Variants in ARSG observed in about 807,000 individuals in gnomAD.
The protein encoded by ARSG is arylsulfatase G, also known as ASG.
Under a neutral mutation model 50.5 loss-of-function variants are expected in ARSG, and 37 were observed. That is an observed-to-expected ratio of 0.73 (90% CI 0.56 to 0.96). The LOEUF is 0.96. Ranked by LOEUF, ARSG falls within the 50% of genes least tolerant of loss-of-function variation. The pLI is 0.00. For synonymous variants in ARSG, 225 were observed against 254.6 expected (o/e 0.88, Z 1.11); for missense variants, 629 against 675.3 (o/e 0.93, Z 0.76).
downstream of ARSG, chr17:68,421,792 C>T (rs191494496): frequency 4.3e-6 from 7 of 1,614,188 alleles, no homozygotes; most frequent in Admixed American, 6.7e-5. Flanking sequence ...CTTCGTTTTG[C>T]CCTTCTGATT....
At chr17:68,327,716 A>G (rs1211030007) in intron 2 of ARSG, among the ~76,000 whole-genome samples, 1 of 152,152 alleles carries the variant, frequency 6.6e-6, no homozygotes, top group Non-Finnish European at 1.5e-5. Flanking sequence ...GGACTTCAAC[A>G]TATCTTTTGG....
intron 9 of ARSG, among the ~76,000 whole-genome samples, chr17:68,389,040 C>T (rs537502951): frequency 3.5e-4 from 53 of 152,212 alleles, no homozygotes; most frequent in African/African-American, 1.2e-3. Context: ...AAGAGGGATT[C>T]AGCTGGTTCT....
chr17:68,312,293 T>TG (rs1221517944), intron 2 of ARSG, among the ~76,000 whole-genome samples: 5 of 152,170 alleles, frequency 3.3e-5, no homozygotes, highest in Non-Finnish European at 5.9e-5. Flanking sequence ...CATCAATAAA[T>TG]GGGCTCTAGG....
intron 1 of ARSG, among the ~76,000 whole-genome samples, chr17:68,272,949 A>G (rs2075388479): frequency 6.6e-6 from 1 of 152,162 alleles, no homozygotes; most frequent in South Asian, 2.1e-4. Context: ...CGGTCTGGAT[A>G]AACTTCAGTG....
At chr17:68,324,416 G>A (rs1555771685) in intron 2 of ARSG, among the ~76,000 whole-genome samples, 1 of 152,162 alleles carries the variant, frequency 6.6e-6, no homozygotes, top group Non-Finnish European at 1.5e-5. Flanking sequence ...CCAAAGACTG[G>A]CTCCTGTAAC....
In ARSG at chr17:68,350,862, G is replaced by C. The variant is rs2078729877; in HGVS notation, c.455-713G>C. On this transcript the variant is annotated intron_variant, in intron 4 of 11. Coordinates refer to ENST00000621439, the MANE Select transcript of ARSG (RefSeq NM_001267727.2). ...GCTGGAGAAGAGATAGAAGGAAGGA[G>C]GAACTCAGAAGAAAACTTCAACACA... 2.0e-5 allele frequency among the ~76,000 whole-genome samples: 3 copies of C among 151,732 alleles called. No homozygotes were observed. The South Asian group carries it at 6.3e-4, about 32-fold the overall frequency.
chr17:68,413,417 C>T (rs529496276), intron 11 of ARSG, among the ~76,000 whole-genome samples: 1 of 152,230 alleles, frequency 6.6e-6, no homozygotes, highest in African/African-American at 2.4e-5. Context: ...GGGGGTGCCT[C>T]CCAGTTAGGC....
At chr17:68,270,811 G>A (rs1555748236) in intron 1 of ARSG, 4 of 1,544,556 alleles carry the variant, frequency 2.6e-6, no homozygotes, top group Non-Finnish European at 3.5e-6. Context: ...AAGTAGACAA[G>A]TGTTTGTATT....
chr17:68,440,881 G>A, the ARSG span: 1 of 152,178 alleles, frequency 6.6e-6, no homozygotes, highest in African/African-American at 2.4e-5. Flanking sequence ...AATGTCTCAG[G>A]TTACGCTTTC....
At position 68,395,182 on chromosome 17, in the gene ARSG, C is replaced by T. The variant is rs780131570; in HGVS notation, c.1201C>T (p.Pro401Ser). The change falls in exon 10 of 12, where the codon CCT becomes TCT. Residue 401 changes from proline (P) to serine (S), a missense_variant. Pro to Ser is a moderately conservative substitution (Grantham distance 74). Transcript: ENST00000621439. Reference protein sequence around the residue: ...VSEVLFGRSQPGHRVLFHPNS... With the variant: ...VSEVLFGRSQSGHRVLFHPNS... Reference sequence around the variant, plus strand: ...CGAGGTGCTCTTTGGCCGGTCACAGCCTGGGCACAGGGTAAGTGGAGGAGG... The same window carrying T: ...CGAGGTGCTCTTTGGCCGGTCACAGTCTGGGCACAGGGTAAGTGGAGGAGG... 3.1e-6 allele frequency: 5 copies of T among 1,613,860 alleles called. No homozygotes were observed. In the African/African-American group the frequency reaches 5.3e-5, roughly 17 times the overall value.
In ARSG at chr17:68,386,056, G is replaced by A. The variant is rs1365879929; in HGVS notation, c.1091+884G>A. Among the ~76,000 whole-genome samples, 5 of 152,190 alleles carry A rather than the reference G, an allele frequency of 3.3e-5. No individual in the cohort carries two copies. The South Asian group carries it at 8.3e-4, about 25-fold the overall frequency. On this transcript the variant is annotated intron_variant, in intron 9 of 11. Coordinates refer to ENST00000621439, the MANE Select transcript of ARSG (RefSeq NM_001267727.2). Reference sequence around the variant, plus strand: ...ACCCATCACATCAGGTAAATGTGATGTCTCACCATTATTCTTATTGCCGCC... The same window carrying A: ...ACCCATCACATCAGGTAAATGTGATATCTCACCATTATTCTTATTGCCGCC...
In ARSG at chr17:68,356,745, C is replaced by T; in HGVS notation, c.645C>T (p.Asn215=). The change falls in exon 6 of 12, where the codon AAC becomes AAT. Residue 215 remains asparagine (N), a synonymous_variant. Coordinates refer to ENST00000621439, the MANE Select transcript of ARSG (RefSeq NM_001267727.2). ...TCAACATTGTGGAGCAGCCGGTGAA[C>T]TTGAGCAGCCTTGCCCAGAAGTATG... ...ENLNIVEQPV[N]LSSLAQKYAE... The T allele has an allele frequency of 1.2e-6, 2 of 1,614,208 alleles. No individual in the cohort carries two copies. The highest frequency in any genetic ancestry group is 1.7e-6 in the Non-Finnish European group (2 of 1,180,028).
upstream of ARSG, chr17:68,291,163 G>T (rs1264413025): frequency 6.6e-6 from 1 of 152,036 alleles, no homozygotes. Flanking sequence ...CTTATAAGCC[G>T]CTCGGTAACA....
At chr17:68,369,900 G>C (rs8067223) in intron 7 of ARSG, among the ~76,000 whole-genome samples, 1 of 152,216 alleles carries the variant, frequency 6.6e-6, no homozygotes, top group African/African-American at 2.4e-5. Flanking sequence ...AGAGGCTCAC[G>C]ATGGGACTGG....
chr17:68,299,217 G>A (rs543674133), intron 1 of ARSG, among the ~76,000 whole-genome samples: 1 of 148,308 alleles, frequency 6.7e-6, no homozygotes, highest in African/African-American at 2.5e-5. Context: ...CAATTCTCCT[G>A]CCTCAGCCTC....
At chr17:68,287,841 T>C (rs572670925), upstream of ARSG, among the ~76,000 whole-genome samples, 155 of 152,248 alleles carry the variant, frequency 1.0e-3, no homozygotes, top group African/African-American at 3.5e-3. Context: ...CACAGGTCTT[T>C]CCTTAAAAAA....
intron 8 of ARSG, among the ~76,000 whole-genome samples, chr17:68,374,440 C>G (rs1000126721): frequency 6.6e-6 from 1 of 152,132 alleles, no homozygotes; most frequent in African/African-American, 2.4e-5. Context: ...CTACTGATCT[C>G]CTATCTGAGG....
chr17:68,371,176 C>T (rs957221392), intron 8 of ARSG, among the ~76,000 whole-genome samples: 16 of 152,038 alleles, frequency 1.1e-4, no homozygotes, highest in Non-Finnish European at 2.2e-4. Flanking sequence ...AAAAATTAGC[C>T]GGGCGTGGTG....
At chr17:68,395,782 G>T (rs1434207741) in intron 10 of ARSG, among the ~76,000 whole-genome samples, 1 of 152,166 alleles carries the variant, frequency 6.6e-6, no homozygotes, top group Non-Finnish European at 1.5e-5. Flanking sequence ...TCACCCTCTA[G>T]AATGGAAGCT....
Sources: allele counts gnomAD v4.1 joint callset (sites outside exome capture counted in the v4.1 genomes callset), GRCh38; gene constraint gnomAD v4.1.1; transcripts MANE v1.5; gene names NCBI Gene and HGNC (gene_info 2026-07-23, HGNC 2026-07-21).